EFCAB8: variants seen among roughly 807,000 people sequenced by gnomAD.
The protein encoded by EFCAB8 is EF-hand calcium binding domain 8.
A neutral mutation model predicts 116.3 loss-of-function variants in EFCAB8; 100 were observed. The ratio of observed to expected loss-of-function variants is 0.86; its 90% CI spans 0.73 to 1.02. EFCAB8 has a LOEUF of 1.02. Among genes scored for constraint, EFCAB8 ranks in the 50% least tolerant of loss-of-function variants. The probability of loss-of-function intolerance (pLI) is 0.00; values close to 1 mark genes in which losing one functional copy is unlikely to be tolerated. For synonymous variants in EFCAB8, 558 were observed against 567.9 expected (o/e 0.98, Z 0.25); for missense variants, 1,320 against 1,416.9 (o/e 0.93, Z 1.10).
intron 16 of EFCAB8, among the ~76,000 whole-genome samples, chr20:32,912,465 G>A (rs1234995955): frequency 1.3e-5 from 2 of 150,466 alleles, no homozygotes; most frequent in African/African-American, 4.9e-5. Flanking sequence ...GAAAGAAAGT[G>A]TACTTAGCCA....
At chr20:32,910,992 C>G (rs925364567) in intron 15 of EFCAB8, among the ~76,000 whole-genome samples, 1 of 152,156 alleles carries the variant, frequency 6.6e-6, no homozygotes, top group Admixed American at 6.5e-5. Context: ...CCCTCCTCAG[C>G]CTCCCAAAGT....
At chr20:32,951,063 G>A (rs1988784023) in intron 23 of EFCAB8, among the ~76,000 whole-genome samples, 1 of 152,186 alleles carries the variant, frequency 6.6e-6, no homozygotes, top group South Asian at 2.1e-4. Flanking sequence ...TTATTAGAAT[G>A]GCTAAAGGAG....
intron 1 of EFCAB8, among the ~76,000 whole-genome samples, chr20:32,859,993 CTTTCT>C (rs1984021279): frequency 6.6e-6 from 1 of 152,136 alleles, no homozygotes; most frequent in Admixed American, 6.5e-5. Context: ...GTTCCTTAGC[CTTTCT>C]TTGGTTTACA....
At position 32,897,398 on chromosome 20, in the gene EFCAB8, G is replaced by A. The variant is rs745378766; in HGVS notation, c.957+871G>A. ...CTGCACAAATGAATGAATGAATGAC[G>A]CACTCAGGGCGGTCTGGGTGATCCA... is the stretch of plus-strand genomic sequence containing the variant. On this transcript the variant is annotated intron_variant, in intron 10 of 26. Coordinates refer to ENST00000400522, the MANE Select transcript of EFCAB8 (RefSeq NM_001143967.2). 6.3e-4 allele frequency among the ~76,000 whole-genome samples: 96 copies of A among 151,190 alleles called. 1 individual carries two copies. Among genetic ancestry groups the A allele is most frequent in the Non-Finnish European group, 1.1e-3 (76 of 67,962 alleles).
intron 20 of EFCAB8, among the ~76,000 whole-genome samples, chr20:32,924,675 A>T (rs1052895248): frequency 6.6e-6 from 1 of 152,186 alleles, no homozygotes; most frequent in Non-Finnish European, 1.5e-5. Flanking sequence ...ACTGTTGGGA[A>T]TTCCTTGGGC....
At chr20:32,900,548 AT>A in intron 11 of EFCAB8, among the ~76,000 whole-genome samples, 1 of 149,166 alleles carries the variant, frequency 6.7e-6, no homozygotes, top group African/African-American at 2.5e-5. Flanking sequence ...TTTATTTTTC[AT>A]TTTTTAATTT....
At chr20:32,860,154 GAAAGTTA>G (rs1479022391) in intron 1 of EFCAB8, among the ~76,000 whole-genome samples, 1 of 152,100 alleles carries the variant, frequency 6.6e-6, no homozygotes, top group Non-Finnish European at 1.5e-5. Context: ...CTAAAAATAC[GAAAGTTA>G]GCTGGGCATG....
chr20:32,945,426 G>A (rs774554540), intron 23 of EFCAB8, among the ~76,000 whole-genome samples: 7 of 152,150 alleles, frequency 4.6e-5, no homozygotes, highest in Admixed American at 1.3e-4. Flanking sequence ...AAAGTGTTGG[G>A]ATTATAGGTG....
chr20:32,908,745 C>T (rs1327771096), intron 14 of EFCAB8, among the ~76,000 whole-genome samples: 1 of 152,232 alleles, frequency 6.6e-6, no homozygotes, highest in Non-Finnish European at 1.5e-5. Flanking sequence ...TTCCTTGTCT[C>T]AGTCATGAGC....
intron 18 of EFCAB8, 42 bp downstream of exon 18, chr20:32,917,547 G>T: frequency 6.6e-7 from 1 of 1,507,924 alleles, no homozygotes; most frequent in Admixed American, 2.0e-5. Context: ...CCTTCTCTCA[G>T]CTGTGAACCA....
Position 32,959,974 on chromosome 20 carries a change from G to T in EFCAB8, c.3286G>T (p.Asp1096Tyr), listed in dbSNP as rs1452652163. The change falls in exon 25 of 27, where the codon GAC (aspartate) becomes TAC (tyrosine). Residue 1096 changes from aspartate to tyrosine, a missense_variant. Transcript: ENST00000400522. ...EDSWNKWESR[D>Y]KQVSKVLGAA... is the part of the protein sequence containing the mutation. ...CAGCTGGAACAAGTGGGAGTCCAGG[G>T]ACAAGCAGGTGAGGCTGGGAGGGGA... The T allele has an allele frequency of 1.3e-6, 2 of 1,551,682 alleles. No individual in the cohort carries two copies. Among genetic ancestry groups the T allele is most frequent in the Non-Finnish European group, 1.7e-6 (2 of 1,146,972 alleles).
chr20:32,899,929 G>A (rs1052451412), intron 11 of EFCAB8, among the ~76,000 whole-genome samples: 4 of 152,160 alleles, frequency 2.6e-5, no homozygotes, highest in Non-Finnish European at 5.9e-5. Flanking sequence ...TGGATAAACT[G>A]GTAGGTATGT....
At chr20:32,862,328 A>G (rs77376603) in intron 1 of EFCAB8, among the ~76,000 whole-genome samples, 55 of 151,740 alleles carry the variant, frequency 3.6e-4, no homozygotes, top group Middle Eastern at 3.4e-3. Context: ...TGGGGTCTCA[A>G]TGTTGCCCAG....
chr20:32,961,179 T>TGCCGACTCAGCA lies in EFCAB8; in HGVS notation c.3441_3452dup (p.Thr1148_Pro1151dup). 1 of 1,552,288 alleles carries TGCCGACTCAGCA rather than the reference T, an allele frequency of 6.4e-7. No homozygotes were observed. The highest frequency in any genetic ancestry group is 1.4e-5 in the African/African-American group (1 of 73,178). On this transcript the variant is annotated inframe_insertion, in exon 27 of 27. Coordinates refer to ENST00000400522, the MANE Select transcript of EFCAB8 (RefSeq NM_001143967.2). The stretch of plus-strand genomic sequence containing the variant: ...CAAAGCCTGCACTTCAGTGATCTGA[T>TGCCGACTCAGCA]GCCGACTCAGCAGCCTGACTTCCTG...
Position 32,917,238 on chromosome 20 carries a change from C to T in EFCAB8, c.1857-63C>T, listed in dbSNP as rs372153975. The T allele has an allele frequency of 4.5e-5, 58 of 1,300,566 alleles. 1 individual carries two copies. The African/African-American group carries it at 5.7e-4, about 13-fold the overall frequency. The allele number at this position is 1,300,566 out of a possible 1,614,324, so 80.6% of individuals were successfully genotyped here. ...CAGAATCCTCAAGGCTCCAGTGCTT[C>T]CCCAATGGATGGAGCATTACAGGCT... On this transcript the variant is annotated intron_variant, in intron 17 of 26. Coordinates refer to ENST00000400522, the MANE Select transcript of EFCAB8 (RefSeq NM_001143967.2).
At chr20:32,881,048 A>T (rs367858707) in intron 5 of EFCAB8, among the ~76,000 whole-genome samples, 12 of 152,262 alleles carry the variant, frequency 7.9e-5, no homozygotes, top group Non-Finnish European at 1.5e-4. Context: ...CCCATCCATC[A>T]TAGTATATGA....
chr20:32,943,363 T>G (rs967475), intron 22 of EFCAB8, among the ~76,000 whole-genome samples: 24,221 of 152,278 alleles, frequency 0.16, 2,418 homozygotes, highest in Admixed American at 0.24. Context: ...GCAAGTCATA[T>G]GCAAGTCATA....
rs1033860674 is a variant in EFCAB8 at position 32,959,988 on chromosome 20, G to C, written c.3294+6G>C. 1 of 1,551,602 alleles carries C rather than the reference G, an allele frequency of 6.4e-7. No homozygotes were observed. The highest frequency in any genetic ancestry group is 8.7e-7 in the Non-Finnish European group (1 of 1,146,926). ...GGGAGTCCAGGGACAAGCAGGTGAG[G>C]CTGGGAGGGGAGCACAGGGAGGAGT... On this transcript the variant is annotated splice_donor_region_variant and intron_variant, in intron 25 of 26. Transcript: ENST00000400522.
intron 3 of EFCAB8, among the ~76,000 whole-genome samples, 196 bp from the exon 4 acceptor site, chr20:32,875,730 A>T (rs1037071033): frequency 6.6e-6 from 1 of 151,552 alleles, no homozygotes; most frequent in African/African-American, 2.4e-5. Context: ...GCTGGTCTTG[A>T]ACTCCTGACC....
Sources: allele counts gnomAD v4.1 joint callset (sites outside exome capture counted in the v4.1 genomes callset), GRCh38; gene constraint gnomAD v4.1.1; transcripts MANE v1.5; gene names NCBI Gene and HGNC (gene_info 2026-07-23, HGNC 2026-07-21).